The following SPRY3 variants were observed in gnomAD, a reference collection of about 807,000 sequenced individuals.
SPRY3 encodes the protein protein sprouty homolog 3.
SPRY3 carries 15 observed loss-of-function variants against 20.2 expected under a neutral mutation model. The observed-to-expected ratio is 0.74, with a 90% CI of 0.50 to 1.14. SPRY3 has a LOEUF of 1.14. Among genes scored for constraint, SPRY3 ranks in the 50% most tolerant of loss-of-function variants. The pLI is 0.00. For missense variants in SPRY3, 364 were observed against 363.9 expected, an observed-to-expected ratio of 1.00 and a Z score of 0.00; for synonymous variants, 143 against 136.5, an observed-to-expected ratio of 1.05 and a Z score of -0.33.
intron 2 of SPRY3, among the ~76,000 whole-genome samples, chrX:155,662,986 C>G (rs1013823816): frequency 1.8e-5 from 2 of 111,799 alleles, no homozygotes; most frequent in African/African-American, 6.5e-5. Flanking sequence ...CACCAGATTT[C>G]TAAGTATACA....
intron 1 of SPRY3, among the ~76,000 whole-genome samples, chrX:155,649,982 C>G (rs1416505260): frequency 1.9e-4 from 21 of 111,229 alleles, no homozygotes; most frequent in African/African-American, 6.9e-4. Flanking sequence ...AATAGAGAGC[C>G]AAATCATGAG....
intron 2 of SPRY3, among the ~76,000 whole-genome samples, chrX:155,666,811 A>G (rs1159252409): frequency 1.8e-5 from 2 of 110,850 alleles, no homozygotes; most frequent in Non-Finnish European, 3.8e-5. Flanking sequence ...GGGTGAAATT[A>G]CTTAGGAGCT....
In SPRY3 at chrX:155,706,179, T is replaced by A. The variant is rs771538607; in HGVS notation, c.-282+49154T>A. 1.1e-4 allele frequency among the ~76,000 whole-genome samples: 16 copies of A among 151,368 alleles called. No homozygotes were observed. In the East Asian group the frequency reaches 2.9e-3, roughly 27 times the overall value. ...TATAAAGTATGTCCTCAGATTGCAG[T>A]AGAATTAAACTGGAAATCAATAACA... On this transcript the variant is annotated intron_variant, in intron 2 of 3. Coordinates refer to ENST00000675360, the Ensembl canonical transcript of SPRY3.
At chrX:155,641,737 A>G (rs1486613539) in intron 1 of SPRY3, among the ~76,000 whole-genome samples, 2 of 115,092 alleles carry the variant, frequency 1.7e-5, no homozygotes, top group Non-Finnish European at 3.7e-5. Context: ...CAAAGGAGAC[A>G]GGATCTCACA....
intron 2 of SPRY3, among the ~76,000 whole-genome samples, chrX:155,684,752 C>A (rs2068082877): frequency 9.0e-6 from 1 of 111,659 alleles, no homozygotes; most frequent in South Asian, 3.8e-4. Context: ...CTTTTGGCAT[C>A]ATTTCCTCTC....
At chrX:155,774,882 C>A (rs2091413809) in exon 4 of SPRY3, 3 of 890,034 alleles carry the variant, frequency 3.4e-6, no homozygotes, top group Non-Finnish European at 5.2e-6. Context: ...GGGGAATGAC[C>A]AAGTACATCC....
chrX:155,715,844 C>T (rs963103139), intron 2 of SPRY3, among the ~76,000 whole-genome samples: 18 of 152,174 alleles, frequency 1.2e-4, no homozygotes, highest in Admixed American at 3.9e-4. Flanking sequence ...TGTGACAGGG[C>T]AGCACTGAGT....
exon 4 of SPRY3, chrX:155,774,046 C>T (rs768277363): frequency 1.2e-6 from 2 of 1,613,996 alleles, no homozygotes; most frequent in Non-Finnish European, 1.7e-6. Flanking sequence ...GGCTACCATG[C>T]CTACTTCTCT....
intron 1 of SPRY3, among the ~76,000 whole-genome samples, chrX:155,654,733 G>A (rs958977704): frequency 8.8e-5 from 7 of 79,255 alleles, no homozygotes; most frequent in African/African-American, 1.9e-4. Flanking sequence ...GTGTGTGTGT[G>A]TATAATATAA....
chrX:155,700,631 T>C (rs1158325404), intron 2 of SPRY3, among the ~76,000 whole-genome samples: 1 of 83,714 alleles, frequency 1.2e-5, no homozygotes, highest in Admixed American at 1.3e-4. Flanking sequence ...TTTTTTTTTT[T>C]TTATTATACT....
At chrX:155,705,070 T>C (rs1427806875) in intron 2 of SPRY3, among the ~76,000 whole-genome samples, 1 of 151,334 alleles carries the variant, frequency 6.6e-6, no homozygotes, top group South Asian at 2.1e-4. Context: ...CACAAGGAAA[T>C]AAAGAGTGCT....
chrX:155,614,667 C>G (rs1375965210), intron 1 of SPRY3, among the ~76,000 whole-genome samples: 1 of 110,676 alleles, frequency 9.0e-6, no homozygotes, highest in Non-Finnish European at 1.9e-5. Context: ...TAATTTGGCT[C>G]CAGACTCTAG....
At chrX:155,632,237 A>ACACACACACACG (rs1371308911) in intron 1 of SPRY3, among the ~76,000 whole-genome samples, 1 of 109,924 alleles carries the variant, frequency 9.1e-6, no homozygotes, top group Non-Finnish European at 1.9e-5. Flanking sequence ...ACACACACAC[A>ACACACACACACG]CACACACACG....
intron 2 of SPRY3, among the ~76,000 whole-genome samples, chrX:155,692,414 T>TA (rs1743425348): frequency 8.9e-6 from 1 of 111,742 alleles, no homozygotes; most frequent in African/African-American, 3.2e-5. Flanking sequence ...CTTTCACCAA[T>TA]GTCTAGCTCT....
intron 2 of SPRY3, among the ~76,000 whole-genome samples, chrX:155,730,957 T>C (rs2091128858): frequency 6.6e-6 from 1 of 151,726 alleles, no homozygotes. Context: ...GCCAAGGAAG[T>C]GAAAAATCTC....
intron 1 of SPRY3, among the ~76,000 whole-genome samples, chrX:155,651,411 T>C (rs1173322206): frequency 8.9e-6 from 1 of 112,124 alleles, no homozygotes; most frequent in Non-Finnish European, 1.9e-5. Flanking sequence ...TATCTCATTG[T>C]GCTTTTAATT....
exon 4 of SPRY3, chrX:155,776,387 C>T (rs2091426258): frequency 6.0e-6 from 1 of 167,096 alleles, no homozygotes; most frequent in African/African-American, 2.4e-5. Context: ...TGCCTGAGAA[C>T]TTAAATTTCA....
chrX:155,673,242 T>G (rs377045695), intron 2 of SPRY3, among the ~76,000 whole-genome samples: 1 of 108,359 alleles, frequency 9.2e-6, no homozygotes, highest in Non-Finnish European at 1.9e-5. Context: ...AAAGAACATA[T>G]AACATGTTAA....
intron 2 of SPRY3, among the ~76,000 whole-genome samples, chrX:155,755,670 G>A (rs2091281082): frequency 6.6e-6 from 1 of 152,022 alleles, no homozygotes; most frequent in African/African-American, 2.4e-5. Flanking sequence ...CAACCAGTTG[G>A]CATATAAGGA....
Sources: allele counts gnomAD v4.1 joint callset (sites outside exome capture counted in the v4.1 genomes callset), GRCh38; gene constraint gnomAD v4.1.1; transcripts MANE v1.5; gene names NCBI Gene and HGNC (gene_info 2026-07-23, HGNC 2026-07-21).